SLC26A7: variants seen among roughly 807,000 people sequenced by gnomAD.
SLC26A7 encodes the protein solute carrier family 26 member 7.
In SLC26A7, 59 loss-of-function variants were observed where a neutral mutation model predicts 82.5. That is an observed-to-expected ratio of 0.72 (90% CI 0.58 to 0.89). SLC26A7 has a LOEUF of 0.89. Among genes scored for constraint, SLC26A7 ranks in the 40% least tolerant of loss-of-function variants. SLC26A7 has a pLI of 0.00. For synonymous variants in SLC26A7, 271 were observed against 274.3 expected (o/e 0.99, Z 0.12); for missense variants, 820 against 793.0 (o/e 1.03, Z -0.41).
chr8:91,363,515 A>G lies in SLC26A7; in HGVS notation c.1465A>G (p.Lys489Glu). The G allele has an allele frequency of 6.6e-7, 1 of 1,504,248 alleles. No homozygotes were observed. Among genetic ancestry groups the G allele is most frequent in the African/African-American group, 1.4e-5 (1 of 71,600 alleles). The allele number at this position is 1,504,248 out of a possible 1,614,324, so 93.2% of individuals were successfully genotyped here. ...AAAAAATATGAAAGAAATGGAATTT[A>G]AAGTGAAGACAGAAATGGACAGTGT... ...SIKNMKEMEFKVKTEMDSETL... is the reference protein window; with the variant it reads ...SIKNMKEMEFEVKTEMDSETL... Residue 489 changes from lysine (K) to glutamate (E), a missense_variant, in exon 13 of 19, where the codon AAA becomes GAA. Lys to Glu is a moderately conservative substitution (Grantham distance 56). Transcript: ENST00000276609.
At chr8:91,219,229 T>G (rs907369043) in intron 2 of SLC26A7, 45 of 334,570 alleles carry the variant, frequency 1.3e-4, no homozygotes, top group African/African-American at 8.0e-4. Flanking sequence ...AAAAAAAAAT[T>G]GAAAAATAAA....
At chr8:91,288,839 A>G (rs1001554281) in intron 2 of SLC26A7, among the ~76,000 whole-genome samples, 3 of 152,192 alleles carry the variant, frequency 2.0e-5, no homozygotes, top group Admixed American at 6.5e-5. Flanking sequence ...ATATTTTACA[A>G]TGTTACTGTC....
chr8:91,357,586 T>A (rs1348083251), intron 11 of SLC26A7, among the ~76,000 whole-genome samples: 2 of 152,182 alleles, frequency 1.3e-5, no homozygotes, highest in Non-Finnish European at 2.9e-5. Flanking sequence ...ATCCCTTCCT[T>A]ACACCGTATA....
intron 5 of SLC26A7, among the ~76,000 whole-genome samples, chr8:91,323,887 C>T (rs1039849353): frequency 1.4e-5 from 2 of 147,872 alleles, no homozygotes; most frequent in South Asian, 2.1e-4. Context: ...GGTGCCATCT[C>T]GGCTCACTGC....
chr8:91,250,368 C>T (rs1253895154), intron 2 of SLC26A7, among the ~76,000 whole-genome samples: 1 of 152,104 alleles, frequency 6.6e-6, no homozygotes, highest in Non-Finnish European at 1.5e-5. Flanking sequence ...TTATGTTTTA[C>T]TGTCTATGCT....
At chr8:91,367,379 T>C (rs1814226803) in intron 14 of SLC26A7, among the ~76,000 whole-genome samples, 1 of 152,236 alleles carries the variant, frequency 6.6e-6, no homozygotes, top group African/African-American at 2.4e-5. Context: ...GATAAATGAC[T>C]TCAGAGACGC....
At chr8:91,356,241 C>A (rs1043977237) in intron 11 of SLC26A7, among the ~76,000 whole-genome samples, 10 of 152,192 alleles carry the variant, frequency 6.6e-5, no homozygotes, top group Non-Finnish European at 1.3e-4. Flanking sequence ...TTGGTATATA[C>A]CCAGTAATGG....
At chr8:91,359,368 C>G (rs934610846) in intron 11 of SLC26A7, among the ~76,000 whole-genome samples, 3 of 152,126 alleles carry the variant, frequency 2.0e-5, no homozygotes, top group Non-Finnish European at 2.9e-5. Flanking sequence ...AGTGTTACAA[C>G]TGAAGGAGAA....
At chr8:91,387,575 A>G (rs748228602) in intron 15 of SLC26A7, among the ~76,000 whole-genome samples, 4 of 152,186 alleles carry the variant, frequency 2.6e-5, no homozygotes, top group Admixed American at 1.3e-4. Flanking sequence ...TGTTTGATTA[A>G]GGCTGTCCAC....
At chr8:91,279,750 G>A (rs923967530) in intron 2 of SLC26A7, among the ~76,000 whole-genome samples, 2 of 151,896 alleles carry the variant, frequency 1.3e-5, no homozygotes, top group African/African-American at 2.4e-5. Flanking sequence ...TAGTAGAGAC[G>A]GGGTTTCACT....
rs540007038 is a variant in SLC26A7, at chr8:91,272,168, T to C, written c.194-16968T>C. Reference sequence around the variant, plus strand: ...CTTGCTTACCCTTTCATCTACCTGATAGTCAGGACCTTCCTTTTGTCTTTG... The same window carrying C: ...CTTGCTTACCCTTTCATCTACCTGACAGTCAGGACCTTCCTTTTGTCTTTG... On this transcript the variant is annotated intron_variant, in intron 2 of 18. Transcript: ENST00000276609. Among the ~76,000 whole-genome samples the C allele has an allele frequency of 1.1e-4, 17 of 152,344 alleles. No individual in the cohort carries two copies. The South Asian group carries it at 3.5e-3, about 32-fold the overall frequency.
chr8:91,341,716 C>T (rs1244191592), intron 8 of SLC26A7, among the ~76,000 whole-genome samples: 2 of 152,172 alleles, frequency 1.3e-5, no homozygotes, highest in Admixed American at 6.5e-5. Flanking sequence ...AAGAGCCTCT[C>T]TCATGGCTTA....
chr8:91,385,931 CTAAG>C (rs1325829103), intron 15 of SLC26A7, among the ~76,000 whole-genome samples: 2 of 152,144 alleles, frequency 1.3e-5, no homozygotes, highest in Non-Finnish European at 2.9e-5. Flanking sequence ...ATCAATCTCT[CTAAG>C]TAACATATAC....
chr8:91,328,546 A>G (rs1200195143), intron 5 of SLC26A7, among the ~76,000 whole-genome samples: 1 of 152,066 alleles, frequency 6.6e-6, no homozygotes, highest in African/African-American at 2.4e-5. Flanking sequence ...TTGCTATTCT[A>G]CTTATTCAAG....
At chr8:91,385,116 G>A (rs962530928) in intron 15 of SLC26A7, among the ~76,000 whole-genome samples, 11 of 152,146 alleles carry the variant, frequency 7.2e-5, no homozygotes, top group Non-Finnish European at 1.6e-4. Context: ...ACCCACACCT[G>A]ATGGTTAATT....
Position 91,366,671 on chromosome 8 carries a change from T to C in SLC26A7, c.1580T>C (p.Ile527Thr). Residue 527 changes from isoleucine to threonine, a missense_variant, in exon 14 of 19, where the codon ATC (isoleucine) becomes ACC (threonine). Coordinates refer to ENST00000276609, the MANE Select transcript of SLC26A7 (RefSeq NM_052832.4). ...TTTTATACTGATTTAATGAACATGA[T>C]CCAAAAGGAAAATGCCTGTAATCAG... ...KKFYTDLMNM[I>T]QKENACNQPL... The C allele has an allele frequency of 6.2e-7, 1 of 1,613,526 alleles. No homozygotes were observed. Among genetic ancestry groups the C allele is most frequent in the Non-Finnish European group, 8.5e-7 (1 of 1,179,824 alleles).
intron 2 of SLC26A7, among the ~76,000 whole-genome samples, chr8:91,266,763 G>T (rs1811124423): frequency 6.6e-6 from 1 of 151,730 alleles, no homozygotes; most frequent in African/African-American, 2.4e-5. Flanking sequence ...TCTAGCTAGG[G>T]CTATCAGTAC....
intron 2 of SLC26A7, among the ~76,000 whole-genome samples, chr8:91,222,951 T>A (rs985030713): frequency 6.6e-6 from 1 of 152,198 alleles, no homozygotes; most frequent in African/African-American, 2.4e-5. Context: ...CAGCTGTGAA[T>A]CCATCTGGTC....
chr8:91,337,219 G>A (rs984961717), intron 6 of SLC26A7, among the ~76,000 whole-genome samples: 1 of 151,916 alleles, frequency 6.6e-6, no homozygotes, highest in Non-Finnish European at 1.5e-5. Flanking sequence ...AGGAATAGGG[G>A]AAAAAAACCT....
Sources: allele counts gnomAD v4.1 joint callset (sites outside exome capture counted in the v4.1 genomes callset), GRCh38; gene constraint gnomAD v4.1.1; transcripts MANE v1.5; gene names NCBI Gene and HGNC (gene_info 2026-07-23, HGNC 2026-07-21).